Variants in NAV3 observed in about 807,000 individuals in gnomAD.
The protein encoded by NAV3 is neuron navigator 3, also known as pore membrane and/or filament interacting like protein 1.
Under a neutral mutation model 244.7 loss-of-function variants are expected in NAV3, and 87 were observed. The observed-to-expected ratio is 0.36, with a 90% CI of 0.30 to 0.42. NAV3 has a LOEUF of 0.42. Ranked by LOEUF, NAV3 falls within the 20% of genes least tolerant of loss-of-function variation. NAV3 has a pLI of 1.00. For synonymous variants in NAV3, 1,126 were observed against 1,042.2 expected (o/e 1.08, Z -1.55); for missense variants, 2,663 against 2,893.3 (o/e 0.92, Z 1.83).
intron 1 of NAV3, among the ~76,000 whole-genome samples, chr12:77,937,510 T>A (rs1231764260): frequency 1.3e-5 from 2 of 152,234 alleles, no homozygotes; most frequent in Non-Finnish European, 2.9e-5. Context: ...AACAAATGTT[T>A]TTGTATAATT....
chr12:77,660,336 A>G lies in NAV3; in HGVS notation c.72+88070A>G, dbSNP rs1426957796. Among the ~76,000 whole-genome samples, 3 of 152,258 alleles carry G rather than the reference A, an allele frequency of 2.0e-5. No homozygotes were observed. In the East Asian group the frequency reaches 5.8e-4, roughly 29 times the overall value. ...TCCCATTTTGAATCAAATTTGTTTTATCTCAGAATTTAAGTCAAATATTGT... is the reference window on the plus strand; with the variant it reads ...TCCCATTTTGAATCAAATTTGTTTTGTCTCAGAATTTAAGTCAAATATTGT... On this transcript the variant is annotated intron_variant, in intron 2 of 8. Coordinates refer to the NAV3 transcript ENST00000550042.
intron 9 of NAV3, among the ~76,000 whole-genome samples, chr12:78,028,287 G>A (rs7358774): frequency 0.062 from 9,465 of 152,206 alleles, 929 homozygotes; most frequent in African/African-American, 0.21. Flanking sequence ...CAATGAACTG[G>A]CAATTGAAGG....
intron 2 of NAV3, among the ~76,000 whole-genome samples, chr12:77,805,605 C>T (rs1332443578): frequency 6.6e-6 from 1 of 152,124 alleles, no homozygotes; most frequent in African/African-American, 2.4e-5. Flanking sequence ...CAGTGTTCTT[C>T]AGGGATATTG....
At chr12:78,035,817 T>C (rs1350374806) in intron 9 of NAV3, among the ~76,000 whole-genome samples, 1 of 152,240 alleles carries the variant, frequency 6.6e-6, no homozygotes, top group African/African-American at 2.4e-5. Flanking sequence ...GACTTTGTTC[T>C]TTAAAAGATT....
chr12:77,912,005 T>C lies in NAV3; in HGVS notation c.244-28314T>C, dbSNP rs147508781. 3.9e-5 allele frequency among the ~76,000 whole-genome samples: 6 copies of C among 152,172 alleles called. No individual in the cohort carries two copies. The East Asian group carries it at 1.2e-3, about 29-fold the overall frequency. The stretch of plus-strand genomic sequence containing the variant: ...AGTAGCTTAACCTTAGCAAGATTTG[T>C]TTTTCACCAAGTTAAAAAGGAATGA... On this transcript the variant is annotated intron_variant, in intron 1 of 39. Transcript: ENST00000397909.
At chr12:77,836,277 TG>T (rs1874619153) in intron 1 of NAV3, among the ~76,000 whole-genome samples, 1 of 152,232 alleles carries the variant, frequency 6.6e-6, no homozygotes, top group South Asian at 2.1e-4. Context: ...ATACTTACTG[TG>T]GAGCACTTCC....
chr12:77,900,356 A>G (rs973918558), intron 1 of NAV3, among the ~76,000 whole-genome samples: 7 of 152,114 alleles, frequency 4.6e-5, no homozygotes, highest in Non-Finnish European at 7.4e-5. Flanking sequence ...GATTACTGGC[A>G]TGAGCTACCA....
chr12:78,192,116 A>C (rs1166900113), intron 34 of NAV3, among the ~76,000 whole-genome samples: 1 of 150,532 alleles, frequency 6.6e-6, no homozygotes, highest in Admixed American at 6.6e-5. Context: ...CTATCTATAT[A>C]TGTATGTATA....
At chr12:78,192,915 T>A (rs1202962393) in intron 34 of NAV3, among the ~76,000 whole-genome samples, 1 of 151,778 alleles carries the variant, frequency 6.6e-6, no homozygotes, top group Non-Finnish European at 1.5e-5. Context: ...TTCCTGGGAG[T>A]TGGGGGTGAG....
chr12:77,989,254 T>C (rs985080518), intron 5 of NAV3, among the ~76,000 whole-genome samples: 1 of 152,070 alleles, frequency 6.6e-6, no homozygotes, highest in African/African-American at 2.4e-5. Context: ...CGTTTAAGAG[T>C]AGTAGAAGGA....
At chr12:78,053,457 G>A (rs780252904) in intron 11 of NAV3, among the ~76,000 whole-genome samples, 3 of 151,940 alleles carry the variant, frequency 2.0e-5, no homozygotes, top group African/African-American at 7.2e-5. Flanking sequence ...CTTGCTTTAC[G>A]TAAGTCTCTC....
chr12:77,921,030 C>T (rs2464133), intron 1 of NAV3, among the ~76,000 whole-genome samples: 17,054 of 151,798 alleles, frequency 0.11, 1,085 homozygotes, highest in South Asian at 0.2. Flanking sequence ...CATAAGAAAA[C>T]GAAAAGGATA....
Position 78,175,440 on chromosome 12 carries a change from C to G in NAV3, c.5103+13C>G, listed in dbSNP as rs750862394. On this transcript the variant is annotated intron_variant, in intron 25 of 39. Coordinates refer to ENST00000397909, the MANE Select transcript of NAV3 (RefSeq NM_001024383.2). The stretch of plus-strand genomic sequence containing the variant: ...AAAGAAAAACTGGGTAAGTTACCAT[C>G]CTTCATCTAATTCAGAAGCTTATTA... 5.0e-6 allele frequency: 8 copies of G among 1,606,126 alleles called. No individual in the cohort carries two copies. Among genetic ancestry groups the G allele is most frequent in the East Asian group, 4.5e-5 (2 of 44,630 alleles).
upstream of NAV3, among the ~76,000 whole-genome samples, chr12:77,826,886 T>A (rs1178910274): frequency 1.3e-5 from 2 of 152,172 alleles, no homozygotes; most frequent in Non-Finnish European, 2.9e-5. Flanking sequence ...TTTGTTGAAT[T>A]TTTACTTATA....
chr12:77,579,764 T>C (rs1869263366), intron 2 of NAV3, among the ~76,000 whole-genome samples: 1 of 152,204 alleles, frequency 6.6e-6, no homozygotes, highest in Non-Finnish European at 1.5e-5. Context: ...GCAATGTCTT[T>C]GGGAAGATCC....
At chr12:77,711,699 G>A (rs1223374208) in intron 2 of NAV3, among the ~76,000 whole-genome samples, 1 of 152,116 alleles carries the variant, frequency 6.6e-6, no homozygotes, top group African/African-American at 2.4e-5. Context: ...GAGGGAGGTG[G>A]GCACCCACAG....
At chr12:77,979,699 G>GAAAAAAAA (rs982567243) in intron 5 of NAV3, among the ~76,000 whole-genome samples, 1 of 79,342 alleles carries the variant, frequency 1.3e-5, no homozygotes, top group African/African-American at 4.4e-5. Context: ...GATGTGAAAC[G>GAAAAAAAA]AAAAAAAAAA....
At chr12:77,780,145 G>A (rs892171294) in intron 2 of NAV3, among the ~76,000 whole-genome samples, 4 of 152,076 alleles carry the variant, frequency 2.6e-5, no homozygotes, top group South Asian at 2.1e-4. Flanking sequence ...GGAGCGAGGC[G>A]CACGGGTGAG....
At chr12:77,904,067 C>CA (rs1407337889) in intron 1 of NAV3, among the ~76,000 whole-genome samples, 3 of 152,152 alleles carry the variant, frequency 2.0e-5, no homozygotes, top group Admixed American at 2.0e-4. Flanking sequence ...CTAGTTCAAC[C>CA]ATTGTGGAAG....
Sources: gnomAD v4.1 joint callset for allele counts (sites outside exome capture counted in the v4.1 genomes callset) on GRCh38, gnomAD v4.1.1 for gene constraint, MANE v1.5 for transcripts, NCBI Gene and HGNC (gene_info 2026-07-23, HGNC 2026-07-21) for gene names.